The following MIGA2 variants were observed in gnomAD, a reference collection of about 807,000 sequenced individuals.
MIGA2 encodes the protein family with sequence similarity 73, member B.
A neutral mutation model predicts 69.9 loss-of-function variants in MIGA2; 36 were observed. That is an observed-to-expected ratio of 0.52 (90% CI 0.39 to 0.68). MIGA2 has a LOEUF of 0.68. Ranked by LOEUF, MIGA2 falls within the 30% of genes least tolerant of loss-of-function variation. MIGA2 has a pLI of 0.00. For synonymous variants in MIGA2, 333 were observed against 349.2 expected, an observed-to-expected ratio of 0.95 and a Z score of 0.52; for missense variants, 660 against 787.7, an observed-to-expected ratio of 0.84 and a Z score of 1.94.
chr9:129,036,757 G>T, intron 1 of MIGA2, 76 bp downstream of exon 1: 1 of 175,216 alleles, frequency 5.7e-6, no homozygotes, highest in South Asian at 2.0e-4. Flanking sequence ...GGAGGACCGA[G>T]TAGGCGCAGG....
Position 129,069,492 on chromosome 9 carries a change from A to T in MIGA2, c.1459-357A>T. Reference sequence around the variant, plus strand: ...TTCCCCGCCCCAGTCAGGCCCCTGTAATCTCCGCTCCCAGGCAGCGACTGG... The same window carrying T: ...TTCCCCGCCCCAGTCAGGCCCCTGTTATCTCCGCTCCCAGGCAGCGACTGG... On this transcript the variant is annotated intron_variant, in intron 14 of 15. Coordinates refer to ENST00000684074, the MANE Select transcript of MIGA2 (RefSeq NM_001329990.2). This position sits in a 1 kb window ranked among gnomAD's most constrained non-coding sequence, Gnocchi z 4.9. 1 of 495,054 alleles carries T rather than the reference A, an allele frequency of 2.0e-6. No individual in the cohort carries two copies. Among genetic ancestry groups the T allele is most frequent in the South Asian group, 2.2e-5 (1 of 46,034 alleles). 30.7% of individuals were successfully genotyped at this position (495,054 alleles called of 1,614,324 possible).
intron 6 of MIGA2, among the ~76,000 whole-genome samples, chr9:129,053,568 T>C (rs1845656125): frequency 6.6e-6 from 1 of 152,148 alleles, no homozygotes; most frequent in Admixed American, 6.6e-5. Context: ...AGTTTCACCA[T>C]GTTGGCCAGG....
At chr9:129,051,813 G>GTAATTAAT (rs141857454) in intron 6 of MIGA2, among the ~76,000 whole-genome samples, 231 of 148,292 alleles carry the variant, frequency 1.6e-3, no homozygotes, top group African/African-American at 5.1e-3. Flanking sequence ...TAGCCAGGAT[G>GTAATTAAT]TAATTAATTA....
intron 6 of MIGA2, among the ~76,000 whole-genome samples, chr9:129,055,070 TTTTTC>T (rs1457910118): frequency 6.7e-6 from 1 of 149,906 alleles, no homozygotes; most frequent in Non-Finnish European, 1.5e-5. Context: ...TTTTGTATTT[TTTTTC>T]TTTTCTTTTT....
At chr9:129,044,873 G>C (rs1236542833) in intron 3 of MIGA2, among the ~76,000 whole-genome samples, 1 of 151,722 alleles carries the variant, frequency 6.6e-6, no homozygotes, top group Non-Finnish European at 1.5e-5. Flanking sequence ...TTATGGGTGT[G>C]AGCCGCCGTG....
intron 1 of MIGA2, among the ~76,000 whole-genome samples, 151 bp from the exon 2 acceptor site, chr9:129,040,300 CA>C (rs1844828827): frequency 1.3e-5 from 2 of 152,312 alleles, no homozygotes; most frequent in Admixed American, 1.3e-4. Flanking sequence ...TGCTGGCGGG[CA>C]GATGCAGAGG....
intron 6 of MIGA2, among the ~76,000 whole-genome samples, chr9:129,050,375 A>G (rs964940543): frequency 3.9e-5 from 6 of 151,932 alleles, no homozygotes; most frequent in South Asian, 2.1e-4. Flanking sequence ...GCCAGGTTCA[A>G]GCGATTCTCC....
At chr9:129,040,766 G>A (rs1169247509) in intron 2 of MIGA2, 76 bp downstream of exon 2, 2 of 1,357,594 alleles carry the variant, frequency 1.5e-6, no homozygotes, top group Non-Finnish European at 2.0e-6. Context: ...CCGTGTCCAG[G>A]AACGCTGAGC....
chr9:129,066,281 T>C (rs527588014), intron 11 of MIGA2, among the ~76,000 whole-genome samples: 1 of 152,270 alleles, frequency 6.6e-6, no homozygotes, highest in Non-Finnish European at 1.5e-5. Flanking sequence ...CCCAGGAAGC[T>C]GGGTGAGTGA....
chr9:129,049,320 G>T, intron 4 of MIGA2, 61 bp from the exon 5 acceptor site: 1 of 1,520,654 alleles, frequency 6.6e-7, no homozygotes. Context: ...AGGGCTCAGG[G>T]GGGCCCTGCA....
At chr9:129,050,534 A>G (rs1489144832) in intron 6 of MIGA2, among the ~76,000 whole-genome samples, 1 of 149,344 alleles carries the variant, frequency 6.7e-6, no homozygotes, top group Non-Finnish European at 1.5e-5. Flanking sequence ...TGGCCTCCCA[A>G]AGTGCTGGGA....
intron 11 of MIGA2, among the ~76,000 whole-genome samples, chr9:129,064,212 CTT>C (rs566804911): frequency 4.1e-5 from 6 of 145,786 alleles, no homozygotes; most frequent in Admixed American, 6.9e-5. Context: ...ATTTTTTCGT[CTT>C]TTTTTTTTTT....
intron 4 of MIGA2, among the ~76,000 whole-genome samples, chr9:129,049,127 C>T (rs1204112741): frequency 1.3e-5 from 2 of 152,176 alleles, no homozygotes; most frequent in Non-Finnish European, 2.9e-5. Context: ...CAGAGGGATT[C>T]CCAGGTTCCT....
chr9:129,043,384 CTTTT>C (rs60096838), intron 3 of MIGA2, among the ~76,000 whole-genome samples: 1 of 128,328 alleles, frequency 7.8e-6, no homozygotes, highest in South Asian at 2.5e-4. Context: ...TCTGTTCTCT[CTTTT>C]TTTTTTTTTT....
rs1254528185 is a variant in MIGA2 at position 129,071,005 on chromosome 9, CT to C, written c.*553del. Reference sequence around the variant, plus strand: ...ATCCAGAGATGGGGCAGAGGTGGGCCTCCCACTCCTGTGCTCTCTTCTGAGC... The same window carrying C: ...ATCCAGAGATGGGGCAGAGGTGGGCCCCCACTCCTGTGCTCTCTTCTGAGC... On this transcript the variant is annotated 3_prime_UTR_variant, in exon 16 of 16. Coordinates refer to ENST00000684074, the MANE Select transcript of MIGA2 (RefSeq NM_001329990.2). 2.0e-5 allele frequency: 3 copies of C among 153,788 alleles called. No individual in the cohort carries two copies. The highest frequency in any genetic ancestry group is 7.2e-5 in the African/African-American group (3 of 41,490). 9.5% of individuals were successfully genotyped at this position (153,788 alleles called of 1,614,324 possible). A position where few individuals can be genotyped will look rare whatever the true frequency, so the allele number is the denominator to read the frequency against.
In MIGA2 at chr9:129,059,087, G is replaced by T. The variant is rs1261584120; in HGVS notation, c.676-67G>T. On this transcript the variant is annotated intron_variant, in intron 6 of 15. Coordinates refer to ENST00000684074, the MANE Select transcript of MIGA2 (RefSeq NM_001329990.2). The surrounding 1 kb of genome is among the most constrained non-coding windows in gnomAD (Gnocchi z 5.6). ...CCCCTTTCCCCAGGGACCTGGGGGT[G>T]AGGGAAGGGGCCATTTTCATCGGGA... 2.1e-6 allele frequency: 3 copies of T among 1,426,468 alleles called. No homozygotes were observed. Among genetic ancestry groups the T allele is most frequent in the Non-Finnish European group, 3.0e-6 (3 of 1,012,882 alleles). 88.4% of individuals were successfully genotyped at this position (1,426,468 alleles called of 1,614,324 possible).
rs779818615 is a variant in MIGA2 at position 129,049,905 on chromosome 9, C to T, written c.617C>T (p.Thr206Ile). 4.3e-6 allele frequency: 7 copies of T among 1,613,760 alleles called. No homozygotes were observed. Among genetic ancestry groups the T allele is most frequent in the South Asian group, 1.1e-5 (1 of 91,082 alleles). Reference protein sequence around the residue: ...SVGQRGDSGSTPMPRDGLRNP... With the variant: ...SVGQRGDSGSIPMPRDGLRNP... The stretch of plus-strand genomic sequence containing the variant: ...GGCCAGCGGGGGGACAGCGGCAGCA[C>T]CCCCATGCCCAGGGACGGCCTCCGG... Residue 206 changes from threonine (T) to isoleucine (I), a missense_variant, in exon 6 of 16, where the codon ACC becomes ATC. This residue lies in a region of MIGA2 where 386 missense variants were observed against 402.0 expected (regional missense o/e 0.96). Transcript: ENST00000684074.
At chr9:129,037,715 G>T (rs1189230901) in intron 1 of MIGA2, among the ~76,000 whole-genome samples, 1 of 152,182 alleles carries the variant, frequency 6.6e-6, no homozygotes, top group Non-Finnish European at 1.5e-5. Flanking sequence ...GCGTTTATTT[G>T]TTCAGGCTCA....
At chr9:129,049,994 A>C in intron 6 of MIGA2, 31 bp downstream of exon 6, 1 of 1,591,612 alleles carries the variant, frequency 6.3e-7, no homozygotes. Flanking sequence ...CCCTACGCCC[A>C]TGGGATAAAG....
Sources: gnomAD v4.1 joint callset for allele counts (sites outside exome capture counted in the v4.1 genomes callset) on GRCh38, gnomAD v4.1.1 for gene constraint, gnomAD v4.1.1 regional missense constraint, Gnocchi (gnomAD v3.1) non-coding constraint, MANE v1.5 for transcripts, NCBI Gene and HGNC (gene_info 2026-07-23, HGNC 2026-07-21) for gene names.